Variants in KIF27 observed in about 807,000 individuals in gnomAD.
The protein encoded by KIF27 is kinesin family member 27.
KIF27 carries 84 observed loss-of-function variants against 141.8 expected under a neutral mutation model. The observed-to-expected ratio is 0.59, with a 90% CI of 0.50 to 0.71. KIF27 has a LOEUF of 0.71. KIF27 is among the 30% of genes least tolerant of loss of function. The pLI is 0.00. For synonymous variants in KIF27, 471 were observed against 569.5 expected (o/e 0.83, Z 2.46); for missense variants, 1,306 against 1,628.4 (o/e 0.80, Z 3.41).
chr9:83,845,417 G>C (rs1268525731), intron 16 of KIF27, among the ~76,000 whole-genome samples: 1 of 152,156 alleles, frequency 6.6e-6, no homozygotes, highest in African/African-American at 2.4e-5. Flanking sequence ...AGGTCCTGAA[G>C]GCATAAGTTA....
At chr9:83,872,934 G>A (rs535649114) in intron 11 of KIF27, among the ~76,000 whole-genome samples, 1 of 152,270 alleles carries the variant, frequency 6.6e-6, no homozygotes, top group South Asian at 2.1e-4. Flanking sequence ...AAAGCAGAGA[G>A]GTACGATTAG....
chr9:83,872,553 A>G (rs1950884770), intron 11 of KIF27, among the ~76,000 whole-genome samples: 1 of 152,238 alleles, frequency 6.6e-6, no homozygotes, highest in Non-Finnish European at 1.5e-5. Context: ...AACAATTTTT[A>G]AAATGGACTT....
intron 13 of KIF27, among the ~76,000 whole-genome samples, chr9:83,864,537 G>C (rs1462999112): frequency 6.6e-6 from 1 of 152,218 alleles, no homozygotes; most frequent in African/African-American, 2.4e-5. Context: ...TAGTCTGAGA[G>C]ACAGTTTGTT....
At chr9:83,840,866 G>T (rs1017420756) in intron 17 of KIF27, among the ~76,000 whole-genome samples, 1 of 151,960 alleles carries the variant, frequency 6.6e-6, no homozygotes, top group African/African-American at 2.4e-5. Flanking sequence ...CTTTTATCTT[G>T]GAATACTGAA....
chr9:83,848,307 A>C lies in KIF27; in HGVS notation c.3556+1792T>G, dbSNP rs1429094555. Among the ~76,000 whole-genome samples the C allele has an allele frequency of 8.1e-4, 92 of 113,200 alleles. 6 individuals carry two copies. Among genetic ancestry groups the C allele is most frequent in the African/African-American group, 3.2e-3 (83 of 26,244 alleles). The allele number at this position is 113,200 out of a possible 152,430, so 74.3% of individuals were successfully genotyped here. A position where few individuals can be genotyped will look rare whatever the true frequency, so the allele number is the denominator to read the frequency against. Reference sequence around the variant, plus strand: ...ATATGATATATCAGATATGATATATATGATATATCATATATCTATATATCT... The same window carrying C: ...ATATGATATATCAGATATGATATATCTGATATATCATATATCTATATATCT... On this transcript the variant is annotated intron_variant, in intron 16 of 17. Transcript: ENST00000297814.
At chr9:83,870,937 G>T (rs1950736405) in intron 11 of KIF27, among the ~76,000 whole-genome samples, 1 of 151,362 alleles carries the variant, frequency 6.6e-6, no homozygotes, top group Non-Finnish European at 1.5e-5. Flanking sequence ...TTAGAGATAG[G>T]GTCTCACTCT....
chr9:83,898,899 T>G (rs957634619), intron 5 of KIF27: 1 of 152,472 alleles, frequency 6.6e-6, no homozygotes, highest in African/African-American at 2.4e-5. Context: ...GAGGCTGCAG[T>G]GAGCTGTGAT....
chr9:83,888,970 C>G, intron 7 of KIF27, 114 bp downstream of exon 7: 2 of 1,272,394 alleles, frequency 1.6e-6, no homozygotes, highest in East Asian at 5.2e-5. Context: ...GCAAAAGTTA[C>G]CTACTCTTCT....
At chr9:83,865,306 CTTTTT>C (rs1009789424) in intron 13 of KIF27, among the ~76,000 whole-genome samples, 1 of 151,576 alleles carries the variant, frequency 6.6e-6, no homozygotes, top group Non-Finnish European at 1.5e-5. Context: ...TCCTCTGACC[CTTTTT>C]TTTGAGATGG....
rs369251410 is a variant in KIF27, at chr9:83,853,805, C to G, written c.3181G>C (p.Gly1061Arg). The G allele has an allele frequency of 2.0e-5, 32 of 1,612,346 alleles. No individual in the cohort carries two copies. The highest frequency in any genetic ancestry group is 2.6e-5 in the Non-Finnish European group (31 of 1,178,626). The change falls in exon 15 of 18, where the codon GGG becomes CGG. Residue 1061 changes from glycine to arginine, a missense_variant. Around this residue, in one of 4 missense-constraint regions of KIF27, gnomAD observed 596 missense variants for 751.6 expected, o/e 0.79. Coordinates refer to ENST00000297814, the MANE Select transcript of KIF27 (RefSeq NM_017576.4). ...EEHVLFQLEE[G>R]IEALEAAIEY... ...ATTGCAGCTTCCAAAGCTTCAATCCCTTCTTCAAGTTGGAAAAGAACATGT... is the reference window on the plus strand; with the variant it reads ...ATTGCAGCTTCCAAAGCTTCAATCCGTTCTTCAAGTTGGAAAAGAACATGT...
At position 83,901,830 on chromosome 9, in the gene KIF27, A is replaced by C. The variant is rs10868067; in HGVS notation, c.1458+1230T>G. Among the ~76,000 whole-genome samples the C allele has an allele frequency of 8.0e-3, 1,211 of 152,142 alleles. 32 individuals carry two copies. The highest frequency in any genetic ancestry group is 0.037 in the East Asian group (190 of 5,176). On this transcript the variant is annotated intron_variant, in intron 4 of 17. Transcript: ENST00000297814. Reference sequence around the variant, plus strand: ...GGAGGTTGCAGTGAGCCAAGATCACACCACCACACTCCAGCCTGGCGAGAG... The same window carrying C: ...GGAGGTTGCAGTGAGCCAAGATCACCCCACCACACTCCAGCCTGGCGAGAG...
At chr9:83,870,391 T>A in intron 12 of KIF27, 128 bp downstream of exon 12, 1 of 1,342,994 alleles carries the variant, frequency 7.4e-7, no homozygotes, top group Admixed American at 2.4e-5. Context: ...GGTCTTGAAC[T>A]CCTGACCGCA....
In KIF27 at chr9:83,903,412, G is replaced by A; in HGVS notation, c.1106C>T (p.Ala369Val). The A allele has an allele frequency of 6.2e-7, 1 of 1,613,954 alleles. No homozygotes were observed. The change falls in exon 4 of 18, where the codon GCT (alanine) becomes GTT (valine). Residue 369 changes from alanine to valine, a missense_variant. Around this residue, in one of 4 missense-constraint regions of KIF27, gnomAD observed 533 missense variants for 565.6 expected, o/e 0.94. Coordinates refer to ENST00000297814, the MANE Select transcript of KIF27 (RefSeq NM_017576.4). ...MEFEIKLLRE[A>V]LQSQQAGVSQ... ...GACACCAGCCTGCTGGCTTTGCAAA[G>A]CTTCTCGAAGCAATTTAATCTCAAA... is the stretch of plus-strand genomic sequence containing the variant.
intron 5 of KIF27, among the ~76,000 whole-genome samples, chr9:83,893,147 G>C (rs1267945232): frequency 6.6e-6 from 1 of 152,194 alleles, no homozygotes; most frequent in African/African-American, 2.4e-5. Flanking sequence ...TGAAGTGGGA[G>C]GACTGCTTGA....
intron 13 of KIF27, among the ~76,000 whole-genome samples, chr9:83,860,372 T>G (rs975993247): frequency 6.6e-5 from 10 of 152,182 alleles, no homozygotes; most frequent in Non-Finnish European, 1.5e-4. Context: ...ATTATCAATT[T>G]TAGACATTGT....
At position 83,903,651 on chromosome 9, in the gene KIF27, T is replaced by C; in HGVS notation, c.867A>G (p.Ser289=). The C allele has an allele frequency of 6.2e-7, 1 of 1,614,186 alleles. No homozygotes were observed. Among genetic ancestry groups the C allele is most frequent in the Non-Finnish European group, 8.5e-7 (1 of 1,180,026 alleles). ...TTTTAGCATCCCTATATGGAATATG[T>C]GAACTCTTCCTGCGTGGGTCCCCAA... ...SALGDPRRKS[S]HIPYRDAKIT... The change falls in exon 4 of 18, where the codon TCA becomes TCG. Residue 289 remains serine (S), a synonymous_variant. Coordinates refer to ENST00000297814, the MANE Select transcript of KIF27 (RefSeq NM_017576.4).
rs149344256 is a variant in KIF27, at chr9:83,913,576, A to G, written c.298+1718T>C. ...CTCAGCCTCCCAAGTAGCTGGGATT[A>G]GAGGCATGTGCCACGACGCCCAGCT... On this transcript the variant is annotated intron_variant, in intron 2 of 17. Coordinates refer to ENST00000297814, the MANE Select transcript of KIF27 (RefSeq NM_017576.4). Among the ~76,000 whole-genome samples, 1,214 of 152,222 alleles carry G rather than the reference A, an allele frequency of 8.0e-3. 32 individuals are homozygous for G. Among genetic ancestry groups the G allele is most frequent in the East Asian group, 0.037 (189 of 5,166 alleles).
Position 83,867,787 on chromosome 9 carries a change from T to A in KIF27, c.2831A>T (p.Glu944Val), listed in dbSNP as rs778041126. ...KVLNQRQELE[E>V]LEADLKKREA... ...CCGTTTCTTTAAGTCTGCTTCCAGC[T>A]CCTCTAATTCTTGGCGTTGGTTCAG... is the stretch of plus-strand genomic sequence containing the variant. The change falls in exon 13 of 18, where the codon GAG becomes GTG. Residue 944 changes from glutamate to valine, a missense_variant. Coordinates refer to ENST00000297814, the MANE Select transcript of KIF27 (RefSeq NM_017576.4). 6.2e-7 allele frequency: 1 copy of A among 1,613,674 alleles called. No individual in the cohort carries two copies. Among genetic ancestry groups the A allele is most frequent in the Admixed American group, 1.7e-5 (1 of 59,978 alleles).
At chr9:83,850,960 C>T (rs1436328149) in intron 15 of KIF27, among the ~76,000 whole-genome samples, 2 of 148,468 alleles carry the variant, frequency 1.3e-5, no homozygotes, top group Non-Finnish European at 3.0e-5. Context: ...GCCTCAGCCT[C>T]CCAAGTAGCT....
Sources: allele counts gnomAD v4.1 joint callset (sites outside exome capture counted in the v4.1 genomes callset), GRCh38; gene constraint gnomAD v4.1.1; regional missense constraint gnomAD v4.1.1; transcripts MANE v1.5; gene names NCBI Gene and HGNC (gene_info 2026-07-23, HGNC 2026-07-21).